SHC3: variants seen among roughly 807,000 people sequenced by gnomAD.
SHC3 encodes the protein SHC-transforming protein 3.
A neutral mutation model predicts 60.4 loss-of-function variants in SHC3; 15 were observed. The observed-to-expected ratio is 0.25, with a 90% CI of 0.17 to 0.38. The LOEUF is 0.38. Ranked by LOEUF, SHC3 falls within the 10% of genes least tolerant of loss-of-function variation. The pLI, the probability that SHC3 is intolerant of heterozygous loss-of-function variation, is 1.00. For synonymous variants in SHC3, 294 were observed against 325.9 expected (o/e 0.90, Z 1.05); for missense variants, 677 against 786.1 (o/e 0.86, Z 1.66).
intron 1 of SHC3, among the ~76,000 whole-genome samples, chr9:89,165,764 T>G (rs1489985105): frequency 6.6e-5 from 10 of 152,114 alleles, no homozygotes; most frequent in Admixed American, 6.5e-4. Flanking sequence ...GAATTTATTT[T>G]GAGACATGCT....
chr9:89,099,169 A>C (rs1825747834), intron 2 of SHC3, among the ~76,000 whole-genome samples: 1 of 152,238 alleles, frequency 6.6e-6, no homozygotes, highest in South Asian at 2.1e-4. Flanking sequence ...TTTATGTTTC[A>C]CAAGTAAAGA....
At chr9:89,016,866 A>T (rs1826103019) in intron 11 of SHC3, among the ~76,000 whole-genome samples, 1 of 152,248 alleles carries the variant, frequency 6.6e-6, no homozygotes. Flanking sequence ...CAATATTCAG[A>T]AATCAATTGC....
intron 2 of SHC3, among the ~76,000 whole-genome samples, chr9:89,106,364 C>T (rs1030585087): frequency 6.6e-6 from 1 of 152,230 alleles, no homozygotes; most frequent in African/African-American, 2.4e-5. Context: ...TGTGTGGCTC[C>T]AGCCAGCGCT....
intron 2 of SHC3, among the ~76,000 whole-genome samples, chr9:89,111,911 C>T (rs1279526917): frequency 6.6e-6 from 1 of 152,218 alleles, no homozygotes; most frequent in Non-Finnish European, 1.5e-5. Flanking sequence ...TCCAATTCTC[C>T]TCTTCAAGCT....
chr9:89,071,874 G>A (rs1825278290), intron 4 of SHC3, among the ~76,000 whole-genome samples: 1 of 152,170 alleles, frequency 6.6e-6, no homozygotes, highest in African/African-American at 2.4e-5. Context: ...ATCTGCCAAC[G>A]AAGGCTCTGC....
At position 89,059,977 on chromosome 9, in the gene SHC3, G is replaced by A. The variant is rs79085706; in HGVS notation, c.835+5552C>T. ...GGACGCAGTGGAGGACGATGGTGGA[G>A]GATTTAGTGGTGGACATGGTGGAGG... is the stretch of plus-strand genomic sequence containing the variant. On this transcript the variant is annotated intron_variant, in intron 6 of 11. Coordinates refer to ENST00000375835, the MANE Select transcript of SHC3 (RefSeq NM_016848.6). Among the ~76,000 whole-genome samples, 26 of 150,914 alleles carry A rather than the reference G, an allele frequency of 1.7e-4. No individual in the cohort carries two copies. In the East Asian group the frequency reaches 4.9e-3, roughly 29 times the overall value.
chr9:89,014,501 G>A (rs1238547101), intron 11 of SHC3, among the ~76,000 whole-genome samples: 1 of 152,072 alleles, frequency 6.6e-6, no homozygotes, highest in Non-Finnish European at 1.5e-5. Context: ...GGCCACCCTC[G>A]CGGCTATGCT....
At chr9:89,088,389 A>G (rs1464076827) in intron 2 of SHC3, among the ~76,000 whole-genome samples, 3 of 152,224 alleles carry the variant, frequency 2.0e-5, no homozygotes, top group Admixed American at 2.0e-4. Flanking sequence ...CCTAAAATGT[A>G]TAAAATCAAG....
At chr9:89,124,813 C>T (rs1306846192) in intron 1 of SHC3, among the ~76,000 whole-genome samples, 1 of 151,500 alleles carries the variant, frequency 6.6e-6, no homozygotes, top group Admixed American at 6.6e-5. Flanking sequence ...TGTGACAAAA[C>T]CTGCACATTC....
intron 6 of SHC3, among the ~76,000 whole-genome samples, chr9:89,061,106 G>A (rs1825082222): frequency 6.6e-6 from 1 of 152,302 alleles, no homozygotes; most frequent in Admixed American, 6.5e-5. Flanking sequence ...GCCTGGCTTT[G>A]TTTGTAAAAA....
At chr9:89,021,878 C>T (rs1334218459) in intron 11 of SHC3, among the ~76,000 whole-genome samples, 2 of 152,172 alleles carry the variant, frequency 1.3e-5, no homozygotes, top group Non-Finnish European at 2.9e-5. Context: ...GGGAGGAGGT[C>T]GGCCCTGGAG....
chr9:89,050,874 T>C (rs1824850712), intron 7 of SHC3, among the ~76,000 whole-genome samples: 1 of 151,886 alleles, frequency 6.6e-6, no homozygotes, highest in African/African-American at 2.4e-5. Context: ...CACATCCTCC[T>C]GTCCCAGCTT....
At chr9:89,023,362 C>G (rs117574267) in intron 11 of SHC3, among the ~76,000 whole-genome samples, 1 of 152,336 alleles carries the variant, frequency 6.6e-6, no homozygotes, top group Non-Finnish European at 1.5e-5. Flanking sequence ...AGGAATCAAG[C>G]TCCATGCATT....
intron 2 of SHC3, among the ~76,000 whole-genome samples, chr9:89,081,620 A>C (rs751129796): frequency 6.6e-6 from 1 of 151,816 alleles, no homozygotes; most frequent in African/African-American, 2.4e-5. Flanking sequence ...CCACCCCCCT[A>C]GTCCTTTCTA....
At chr9:89,122,887 A>C (rs1372320963) in intron 1 of SHC3, among the ~76,000 whole-genome samples, 1 of 152,204 alleles carries the variant, frequency 6.6e-6, no homozygotes, top group Admixed American at 6.5e-5. Flanking sequence ...ATCAGCATAG[A>C]AACCAATACT....
chr9:89,034,601 A>G (rs1824541273), intron 11 of SHC3, among the ~76,000 whole-genome samples: 2 of 152,354 alleles, frequency 1.3e-5, no homozygotes, highest in South Asian at 2.1e-4. Flanking sequence ...CAAAGTGTCC[A>G]GGCACAAGAT....
chr9:89,096,149 C>T (rs1236078145), intron 2 of SHC3, among the ~76,000 whole-genome samples: 2 of 152,184 alleles, frequency 1.3e-5, no homozygotes, highest in South Asian at 2.1e-4. Context: ...ACGTTGAATA[C>T]GCATGAGAGA....
At chr9:89,026,794 C>T (rs1017172710) in intron 11 of SHC3, among the ~76,000 whole-genome samples, 6 of 152,198 alleles carry the variant, frequency 3.9e-5, no homozygotes, top group Non-Finnish European at 8.8e-5. Flanking sequence ...GAGGAGTGAG[C>T]CTGACCTTGA....
chr9:89,046,933 A>C lies in SHC3; in HGVS notation c.1024T>G (p.Tyr342Asp). The part of the protein sequence containing the change: ...EEGDGSDHPY[Y>D]NSIPSKMPPP... Reference sequence around the variant, plus strand: ...GGCATCTTGCTTGGGATGCTGTTGTAGTATGGGTGGTCTGAGCCATCTCCC... The same window carrying C: ...GGCATCTTGCTTGGGATGCTGTTGTCGTATGGGTGGTCTGAGCCATCTCCC... The change falls in exon 8 of 12, where the codon TAC becomes GAC. Residue 342 changes from tyrosine (Y) to aspartate (D), a missense_variant. Tyr to Asp is a radical substitution (Grantham distance 160, BLOSUM62 -3). Transcript: ENST00000375835. The C allele has an allele frequency of 6.2e-7, 1 of 1,611,610 alleles. No individual in the cohort carries two copies. The highest frequency in any genetic ancestry group is 8.5e-7 in the Non-Finnish European group (1 of 1,179,000).
Sources: allele counts gnomAD v4.1 joint callset (sites outside exome capture counted in the v4.1 genomes callset), GRCh38; gene constraint gnomAD v4.1.1; transcripts MANE v1.5; gene names NCBI Gene and HGNC (gene_info 2026-07-23, HGNC 2026-07-21).